NEDD9: variants seen among roughly 807,000 people sequenced by gnomAD.
NEDD9 encodes neural precursor cell expressed, developmentally down-regulated 9.
In NEDD9, 26 loss-of-function variants were observed where a neutral mutation model predicts 76.6. The ratio of observed to expected loss-of-function variants is 0.34; its 90% CI spans 0.25 to 0.47. The LOEUF (loss-of-function observed/expected upper bound fraction) is 0.47. Ranked by LOEUF, NEDD9 falls within the 20% of genes least tolerant of loss-of-function variation. The pLI, the probability that NEDD9 is intolerant of heterozygous loss-of-function variation, is 1.00. For missense variants in NEDD9, 937 were observed against 1,058.5 expected (o/e 0.89, Z 1.59); for synonymous variants, 392 against 414.2 (o/e 0.95, Z 0.65).
chr6:11,215,114 T>C (rs1758913762), intron 1 of NEDD9, among the ~76,000 whole-genome samples: 1 of 152,170 alleles, frequency 6.6e-6, no homozygotes, highest in Admixed American at 6.5e-5. Context: ...GGCTGTGCAA[T>C]GGAAGGGATC....
At chr6:11,318,543 A>G (rs1761650210) in intron 2 of NEDD9, among the ~76,000 whole-genome samples, 1 of 152,174 alleles carries the variant, frequency 6.6e-6, no homozygotes, top group Admixed American at 6.5e-5. Context: ...ATTTCGTCTC[A>G]TAGAAACAAG....
At position 11,185,542 on chromosome 6, in the gene NEDD9, A is replaced by T; in HGVS notation, c.2125T>A (p.Cys709Ser). 1 of 1,614,236 alleles carries T rather than the reference A, an allele frequency of 6.2e-7. No individual in the cohort carries two copies. The highest frequency in any genetic ancestry group is 8.5e-7 in the Non-Finnish European group (1 of 1,180,036). ...GTCTCACATTGGTCATAGTAGAAGC[A>T]CAGCAACTGCCGATCCTGAGCACTC... ...GVSAQDRQLL[C>S]FYYDQCETHF... The change falls in exon 7 of 7, where the codon TGC becomes AGC. Residue 709 changes from cysteine to serine, a missense_variant. By Grantham distance (112) the Cys-to-Ser change is moderately radical. Coordinates refer to ENST00000379446, the MANE Select transcript of NEDD9 (RefSeq NM_006403.4).
upstream of NEDD9, chr6:11,233,152 T>C: frequency 2.0e-6 from 1 of 491,484 alleles, no homozygotes; most frequent in Non-Finnish European, 4.1e-6. Context: ...CCTCTCTCTC[T>C]CTCTGTCCCT....
chr6:11,232,297 G>T (rs545326753), intron 1 of NEDD9, among the ~76,000 whole-genome samples: 6 of 152,286 alleles, frequency 3.9e-5, no homozygotes, highest in African/African-American at 1.4e-4. Context: ...AGATGGACTC[G>T]GGTGTACTGT....
chr6:11,237,136 T>C (rs2113282010), upstream of NEDD9, among the ~76,000 whole-genome samples: 2 of 152,244 alleles, frequency 1.3e-5, no homozygotes, highest in Middle Eastern at 3.4e-3. This position sits in a 1 kb window ranked among gnomAD's most constrained non-coding sequence, Gnocchi z 4.9. Context: ...TCAGAACTAA[T>C]TCCTCCCTCC....
chr6:11,335,187 A>C (rs1032599834), intron 1 of NEDD9, among the ~76,000 whole-genome samples: 1 of 152,192 alleles, frequency 6.6e-6, no homozygotes, highest in African/African-American at 2.4e-5. Context: ...ACAATGAACC[A>C]TTTCTTGATC....
At chr6:11,351,613 AC>A (rs1015284414) in intron 1 of NEDD9, among the ~76,000 whole-genome samples, 40 of 152,280 alleles carry the variant, frequency 2.6e-4, no homozygotes, top group African/African-American at 8.9e-4. Flanking sequence ...TTCTGAAGAC[AC>A]AAGGACACAG....
intron 1 of NEDD9, among the ~76,000 whole-genome samples, chr6:11,353,833 T>C (rs1762516514): frequency 6.6e-6 from 1 of 152,138 alleles, no homozygotes; most frequent in Non-Finnish European, 1.5e-5. Flanking sequence ...AAAAGAAAAT[T>C]GCCTAAAAAG....
intron 2 of NEDD9, among the ~76,000 whole-genome samples, chr6:11,329,235 TG>T (rs779961449): frequency 1.8e-4 from 27 of 152,176 alleles, no homozygotes; most frequent in Non-Finnish European, 1.9e-4. Context: ...AGACCCGGCT[TG>T]GGATTAGAAA....
chr6:11,225,461 T>C (rs1011452824), intron 1 of NEDD9, among the ~76,000 whole-genome samples: 1 of 152,164 alleles, frequency 6.6e-6, no homozygotes, highest in Admixed American at 6.5e-5. Flanking sequence ...AGTGAGGGGA[T>C]TAGGGAGAAA....
chr6:11,315,872 C>G (rs1761538618), intron 2 of NEDD9, among the ~76,000 whole-genome samples: 1 of 152,230 alleles, frequency 6.6e-6, no homozygotes, highest in Non-Finnish European at 1.5e-5. Flanking sequence ...GTTCTACAAA[C>G]AGCAAGGTAT....
intron 3 of NEDD9, among the ~76,000 whole-genome samples, chr6:11,242,276 TA>T (rs1038148153): frequency 1.2e-4 from 19 of 152,194 alleles, no homozygotes; most frequent in Non-Finnish European, 2.6e-4. Context: ...CCCTGAGCTT[TA>T]CAGGCACTAA....
chr6:11,244,674 A>G (rs1239531979), intron 3 of NEDD9, among the ~76,000 whole-genome samples: 6 of 152,230 alleles, frequency 3.9e-5, no homozygotes, highest in African/African-American at 1.4e-4. Flanking sequence ...TGAGATTTGT[A>G]TATGAAGCCT....
chr6:11,201,777 T>G (rs1288689620), intron 2 of NEDD9, among the ~76,000 whole-genome samples: 2 of 152,234 alleles, frequency 1.3e-5, no homozygotes, highest in Non-Finnish European at 2.9e-5. Context: ...GGTTTTCTTT[T>G]AAGAGAATGA....
intron 3 of NEDD9, among the ~76,000 whole-genome samples, chr6:11,266,658 G>T (rs571415481): frequency 6.6e-6 from 1 of 152,122 alleles, no homozygotes; most frequent in East Asian, 1.9e-4. Context: ...TTCAACTACT[G>T]TATGGGTTTA....
chr6:11,376,948 C>A (rs1422348766), intron 1 of NEDD9, among the ~76,000 whole-genome samples: 1 of 152,232 alleles, frequency 6.6e-6, no homozygotes, highest in Non-Finnish European at 1.5e-5. Flanking sequence ...TCAGCCTCAG[C>A]TCAAAGGGGC....
In NEDD9 at chr6:11,325,497, C is replaced by T. The variant is rs576328490; in HGVS notation, c.-153+9004G>A. On this transcript the variant is annotated intron_variant, in intron 2 of 3. Transcript: ENST00000397378. ...AACAATTTAGCATACAAATTAAATGCTCTTATATTTTCGTTTAAAGCTGGC... is the reference window on the plus strand; with the variant it reads ...AACAATTTAGCATACAAATTAAATGTTCTTATATTTTCGTTTAAAGCTGGC... Among the ~76,000 whole-genome samples, 331 of 152,240 alleles carry T rather than the reference C, an allele frequency of 2.2e-3. 1 individual carries two copies. Among genetic ancestry groups the T allele is most frequent in the African/African-American group, 7.3e-3 (305 of 41,522 alleles).
At chr6:11,360,107 A>C (rs1041823662) in intron 1 of NEDD9, among the ~76,000 whole-genome samples, 2 of 152,200 alleles carry the variant, frequency 1.3e-5, no homozygotes, top group Non-Finnish European at 2.9e-5. Flanking sequence ...AGTCCTATTC[A>C]GCTCCCAAAT....
At chr6:11,270,463 A>G (rs1440187445) in intron 3 of NEDD9, among the ~76,000 whole-genome samples, 1 of 151,562 alleles carries the variant, frequency 6.6e-6, no homozygotes, top group Non-Finnish European at 1.5e-5. Context: ...CAGGAATAAT[A>G]GCAACACTTA....
Sources: gnomAD v4.1 joint callset for allele counts (sites outside exome capture counted in the v4.1 genomes callset) on GRCh38, gnomAD v4.1.1 for gene constraint, Gnocchi (gnomAD v3.1) non-coding constraint, MANE v1.5 for transcripts, NCBI Gene and HGNC (gene_info 2026-07-23, HGNC 2026-07-21) for gene names.